The following PCDH15 variants were observed in gnomAD, a reference collection of about 807,000 sequenced individuals.
The protein encoded by PCDH15 is protocadherin related 15, also known as protocadherin-15.
PCDH15 carries 129 observed loss-of-function variants against 178.5 expected under a neutral mutation model. The ratio of observed to expected loss-of-function variants is 0.72; its 90% CI spans 0.63 to 0.84. The LOEUF (loss-of-function observed/expected upper bound fraction) is 0.84, where lower values mean the gene tolerates loss of function less well. PCDH15 is among the 40% of genes least tolerant of loss of function. PCDH15 has a pLI of 0.00. For synonymous variants in PCDH15, 800 were observed against 732.0 expected, an observed-to-expected ratio of 1.09 and a Z score of -1.50; for missense variants, 2,230 against 2,099.9, an observed-to-expected ratio of 1.06 and a Z score of -1.21.
At chr10:54,593,416 T>C in intron 2 of PCDH15, among the ~76,000 whole-genome samples, 1 of 152,208 alleles carries the variant, frequency 6.6e-6, no homozygotes, top group Non-Finnish European at 1.5e-5. Context: ...TCAGCACCAT[T>C]TATTGAAGAA....
At chr10:53,939,373 CTT>C (rs2085851200) in intron 24 of PCDH15, among the ~76,000 whole-genome samples, 1 of 151,886 alleles carries the variant, frequency 6.6e-6, no homozygotes, top group African/African-American at 2.4e-5. Context: ...TTATTATACT[CTT>C]TGTAATTTAT....
At chr10:54,604,413 C>A (rs948683165) in intron 2 of PCDH15, among the ~76,000 whole-genome samples, 4 of 151,882 alleles carry the variant, frequency 2.6e-5, no homozygotes, top group African/African-American at 9.7e-5. Flanking sequence ...ATAAATTTCT[C>A]CAGTTCTGTC....
chr10:55,477,668 G>T (rs1407457812), intron 2 of PCDH15, among the ~76,000 whole-genome samples: 1 of 151,834 alleles, frequency 6.6e-6, no homozygotes, highest in East Asian at 1.9e-4. Context: ...TGGCTTTTTT[G>T]ATCTCATATG....
At chr10:55,376,407 G>GA (rs1304809690) in intron 2 of PCDH15, among the ~76,000 whole-genome samples, 1 of 151,972 alleles carries the variant, frequency 6.6e-6, no homozygotes, top group Non-Finnish European at 1.5e-5. Flanking sequence ...ATTATTCATG[G>GA]AATATCATTA....
At chr10:54,737,729 CAAAT>C (rs1944299149) in intron 1 of PCDH15, among the ~76,000 whole-genome samples, 1 of 151,854 alleles carries the variant, frequency 6.6e-6, no homozygotes, top group African/African-American at 2.4e-5. Flanking sequence ...GAATCTATGG[CAAAT>C]AAATAATTAA....
intron 2 of PCDH15, among the ~76,000 whole-genome samples, chr10:55,581,599 C>T (rs1041280448): frequency 2.6e-5 from 4 of 151,460 alleles, no homozygotes; most frequent in East Asian, 3.9e-4. Flanking sequence ...CCCAAAAATA[C>T]GTGAAATGAT....
At chr10:54,659,841 G>A (rs892355725) in intron 2 of PCDH15, among the ~76,000 whole-genome samples, 2 of 151,082 alleles carry the variant, frequency 1.3e-5, no homozygotes, top group East Asian at 3.9e-4. Flanking sequence ...AATGATTTTA[G>A]GCTAAACAAG....
chr10:55,541,862 A>G (rs1841766617), intron 2 of PCDH15, among the ~76,000 whole-genome samples: 1 of 151,916 alleles, frequency 6.6e-6, no homozygotes, highest in African/African-American at 2.4e-5. Flanking sequence ...CACCTCTCTC[A>G]GAAGCAGCGA....
At position 55,119,077 on chromosome 10, in the gene PCDH15, G is replaced by A. The variant is rs115296882; in HGVS notation, c.-80+47499C>T. On this transcript the variant is annotated intron_variant, in intron 2 of 5. Coordinates refer to the PCDH15 transcript ENST00000458638. ...CTCCTGGTTTACCATCACATCCTTT[G>A]CTTCACCAGCTGCCTCTGTAGGTAG... Among the ~76,000 whole-genome samples the A allele has an allele frequency of 7.5e-3, 1,134 of 152,196 alleles. 20 individuals carry two copies. Among genetic ancestry groups the A allele is most frequent in the African/African-American group, 0.025 (1,057 of 41,512 alleles).
chr10:54,485,230 T>C (rs1283906161), intron 3 of PCDH15, among the ~76,000 whole-genome samples: 4 of 151,802 alleles, frequency 2.6e-5, no homozygotes, highest in Non-Finnish European at 4.4e-5. Context: ...AAAAAAAATC[T>C]CCGACTTTCT....
At chr10:53,966,167 C>G (rs1479353795) in intron 21 of PCDH15, among the ~76,000 whole-genome samples, 1 of 152,042 alleles carries the variant, frequency 6.6e-6, no homozygotes, top group East Asian at 1.9e-4. Flanking sequence ...ACTTTTTATT[C>G]TAAGATTGCA....
At chr10:55,381,689 A>G (rs961163653) in intron 2 of PCDH15, among the ~76,000 whole-genome samples, 2 of 152,184 alleles carry the variant, frequency 1.3e-5, no homozygotes, top group Non-Finnish European at 2.9e-5. Flanking sequence ...AACAAAAATA[A>G]AAAATAAAGA....
chr10:54,928,970 G>A (rs991745498), intron 2 of PCDH15, among the ~76,000 whole-genome samples: 1 of 152,166 alleles, frequency 6.6e-6, no homozygotes, highest in African/African-American at 2.4e-5. Flanking sequence ...TTGATGGAAA[G>A]GTGATGTGGT....
At chr10:54,446,593 CTG>C (rs1183118023) in intron 3 of PCDH15, among the ~76,000 whole-genome samples, 3 of 151,412 alleles carry the variant, frequency 2.0e-5, no homozygotes, top group African/African-American at 7.3e-5. Flanking sequence ...GACAAATAAA[CTG>C]TATATATTTA....
intron 3 of PCDH15, chr10:54,897,405 G>T (rs536666662): frequency 5.9e-5 from 9 of 152,142 alleles, no homozygotes; most frequent in Non-Finnish European, 1.2e-4. Flanking sequence ...CCGTTGACAT[G>T]AAATTTTAAA....
chr10:54,653,396 A>C (rs1177545240), intron 2 of PCDH15, among the ~76,000 whole-genome samples: 1 of 152,198 alleles, frequency 6.6e-6, no homozygotes, highest in African/African-American at 2.4e-5. Flanking sequence ...AGAGCTACAG[A>C]GTTTTGGAGC....
intron 2 of PCDH15, chr10:54,655,935 G>T (rs896445335): frequency 6.6e-6 from 1 of 152,086 alleles, no homozygotes; most frequent in African/African-American, 2.4e-5. Context: ...GGTATTTCTT[G>T]TCATCCCTTT....
At chr10:55,610,344 A>G (rs1489059255) in intron 2 of PCDH15, among the ~76,000 whole-genome samples, 1 of 152,126 alleles carries the variant, frequency 6.6e-6, no homozygotes, top group African/African-American at 2.4e-5. Flanking sequence ...ACTGTGATAC[A>G]GGTTATATAC....
intron 5 of PCDH15, among the ~76,000 whole-genome samples, chr10:54,348,617 C>G (rs1490728709): frequency 1.5e-5 from 2 of 136,280 alleles, no homozygotes; most frequent in Non-Finnish European, 3.5e-5. Flanking sequence ...TTGTGTACAA[C>G]ATGTTGTTTT....
Sources: allele counts gnomAD v4.1 joint callset (sites outside exome capture counted in the v4.1 genomes callset), GRCh38; gene constraint gnomAD v4.1.1; transcripts MANE v1.5; gene names NCBI Gene and HGNC (gene_info 2026-07-23, HGNC 2026-07-21).